BBOF1: variants seen among roughly 807,000 people sequenced by gnomAD.
The protein encoded by BBOF1 is basal body-orientation factor 1.
A neutral mutation model predicts 68.0 loss-of-function variants in BBOF1; 62 were observed. The ratio of observed to expected loss-of-function variants is 0.91; its 90% confidence interval spans 0.74 to 1.13. BBOF1 has a LOEUF of 1.13. Among genes scored for constraint, BBOF1 ranks in the 50% most tolerant of loss-of-function variants. The pLI is 0.00. For synonymous variants in BBOF1, 208 were observed against 198.8 expected, an observed-to-expected ratio of 1.05 and a Z score of -0.39; for missense variants, 534 against 600.1, an observed-to-expected ratio of 0.89 and a Z score of 1.15.
Position 74,050,136 on chromosome 14 carries a change from T to C in BBOF1, c.1227T>C (p.Phe409=), listed in dbSNP as rs139029854. Residue 409 remains phenylalanine (F), a synonymous_variant, in exon 8 of 12, where the codon TTT becomes TTC. Coordinates refer to ENST00000394009, the MANE Select transcript of BBOF1 (RefSeq NM_025057.3). ...GRTEYPKIRT[F]DGREHSTNSV... ...CAGAATATCCCAAAATCAGAACATT[T>C]GATGGCAGAGAGCACAGCACCAATA... 2.5e-6 allele frequency: 4 copies of C among 1,605,170 alleles called. No homozygotes were observed. Among genetic ancestry groups the C allele is most frequent in the Non-Finnish European group, 3.4e-6 (4 of 1,175,020 alleles).
At chr14:74,074,881 TA>T in intron 9 of BBOF1, 1 of 1,446,338 alleles carries the variant, frequency 6.9e-7, no homozygotes, top group Admixed American at 1.7e-5. Context: ...GACAATTATG[TA>T]AAGAAGATAG....
intron 6 of BBOF1, 110 bp from the exon 7 acceptor site, chr14:74,047,820 G>A: frequency 9.0e-6 from 8 of 889,304 alleles, no homozygotes; most frequent in South Asian, 2.0e-5. Context: ...CTAAATAGGT[G>A]GTAGTCACTA....
At chr14:74,066,610 T>A, downstream of BBOF1, 1 of 1,229,140 alleles carries the variant, frequency 8.1e-7, no homozygotes, top group South Asian at 1.2e-5. Context: ...AAGGTCTTAG[T>A]CATTAAGTAT....
intron 4 of BBOF1, among the ~76,000 whole-genome samples, chr14:74,036,540 C>T (rs1189081701): frequency 6.6e-6 from 1 of 151,906 alleles, no homozygotes; most frequent in Non-Finnish European, 1.5e-5. Flanking sequence ...AAAAATTAGT[C>T]GGGCATGGTG....
chr14:74,072,227 A>G, intron 9 of BBOF1: 1 of 1,614,236 alleles, frequency 6.2e-7, no homozygotes, highest in Non-Finnish European at 8.5e-7. Flanking sequence ...TAAGTTGTTG[A>G]TAGCGGAGCA....
chr14:74,066,532 G>T (rs2060468543), downstream of BBOF1, among the ~76,000 whole-genome samples: 1 of 152,102 alleles, frequency 6.6e-6, no homozygotes, highest in African/African-American at 2.4e-5. Flanking sequence ...AAAGAGTTTG[G>T]TTGGGAGTTA....
chr14:74,068,190 G>T (rs954353600), downstream of BBOF1, among the ~76,000 whole-genome samples: 6 of 151,260 alleles, frequency 4.0e-5, no homozygotes, highest in African/African-American at 1.5e-4. Flanking sequence ...TTCAAGACCA[G>T]CTTGGCCAAG....
At chr14:74,075,124 T>G in intron 9 of BBOF1, 1 of 988,814 alleles carries the variant, frequency 1.0e-6, no homozygotes, top group Non-Finnish European at 1.6e-6. Flanking sequence ...GGGGGTATGT[T>G]TCTCTCAAAG....
chr14:74,068,820 T>C (rs764769853), downstream of BBOF1: 4 of 1,610,852 alleles, frequency 2.5e-6, no homozygotes, highest in Non-Finnish European at 3.4e-6. Context: ...AATTTTCATA[T>C]ATAGAACAAA....
intron 4 of BBOF1, among the ~76,000 whole-genome samples, chr14:74,039,237 G>C (rs1024549459): frequency 1.1e-4 from 16 of 152,020 alleles, no homozygotes; most frequent in Non-Finnish European, 2.1e-4. Flanking sequence ...TATATATTGT[G>C]AACATTTTTC....
intron 3 of BBOF1, among the ~76,000 whole-genome samples, chr14:74,032,694 A>G (rs1270484811): frequency 2.0e-5 from 3 of 150,156 alleles, no homozygotes; most frequent in African/African-American, 7.4e-5. Context: ...GGGTTTCACA[A>G]TGTTGGCCAG....
intron 7 of BBOF1, among the ~76,000 whole-genome samples, chr14:74,049,237 G>A (rs1236269652): frequency 6.6e-6 from 1 of 152,000 alleles, no homozygotes; most frequent in African/African-American, 2.4e-5. Flanking sequence ...TTAGTAGATT[G>A]CCTTCCCAAG....
At chr14:74,033,475 AGGGAGAATTGCTTGAACCT>A (rs1348230793) in intron 3 of BBOF1, among the ~76,000 whole-genome samples, 1 of 152,126 alleles carries the variant, frequency 6.6e-6, no homozygotes, top group African/African-American at 2.4e-5. Flanking sequence ...AGGCTGAGGC[AGGGAGAATTGCTTGAACCT>A]GGGAGGCAGA....
intron 1 of BBOF1, among the ~76,000 whole-genome samples, chr14:74,020,241 GTA>G (rs1025570981): frequency 2.9e-5 from 3 of 102,824 alleles, no homozygotes; most frequent in African/African-American, 8.9e-5. Context: ...TTCTTTTATG[GTA>G]TTTTTTTTTT....
rs1465306418 is a variant in BBOF1 at position 74,040,598 on chromosome 14, C to T, written c.529C>T (p.His177Tyr). The T allele has an allele frequency of 2.5e-6, 4 of 1,595,134 alleles. No homozygotes were observed. Among genetic ancestry groups the T allele is most frequent in the Non-Finnish European group, 3.4e-6 (4 of 1,172,354 alleles). Residue 177 changes from histidine to tyrosine, a missense_variant, in exon 5 of 12, where the codon CAT becomes TAT. Physicochemically the swap from His to Tyr is moderately conservative, Grantham distance 83. Coordinates refer to ENST00000394009, the MANE Select transcript of BBOF1 (RefSeq NM_025057.3). ...GAATTTAAGAAACACAGAGCGGATA[C>T]ATCAGGAGACTCTTAGAAGACTGGA... is the stretch of plus-strand genomic sequence containing the variant. ...KENLRNTERIHQETLRRLESR... is the reference protein window; with the variant it reads ...KENLRNTERIYQETLRRLESR...
At chr14:74,048,244 G>A in intron 7 of BBOF1, 170 bp downstream of exon 7, 1 of 555,310 alleles carries the variant, frequency 1.8e-6, no homozygotes. Context: ...ATCTTATAAT[G>A]CTTATAAGAA....
intron 5 of BBOF1, among the ~76,000 whole-genome samples, chr14:74,044,814 A>G (rs2059913919): frequency 6.6e-6 from 1 of 152,076 alleles, no homozygotes; most frequent in Non-Finnish European, 1.5e-5. Context: ...AATCCCAGGT[A>G]CTCGAGAGGC....
intron 11 of BBOF1, chr14:74,057,494 G>A: frequency 2.1e-6 from 3 of 1,398,626 alleles, no homozygotes; most frequent in Non-Finnish European, 2.8e-6. Context: ...CCTATAGGTT[G>A]CCTTTTGAAG....
In BBOF1 at chr14:74,075,870, A is replaced by G. The variant is rs570024940; in HGVS notation, n.1380-2326A>G. 3.9e-5 allele frequency among the ~76,000 whole-genome samples: 6 copies of G among 152,346 alleles called. No homozygotes were observed. The South Asian group carries it at 6.2e-4, about 16-fold the overall frequency. On this transcript the variant is annotated intron_variant and non_coding_transcript_variant, in intron 9 of 12. Coordinates refer to the BBOF1 transcript ENST00000492026. ...GGGTGAATAAGGAAACTAATGTGGT[A>G]TATTCATACACTGGAATACTACTCA...
Sources: gnomAD v4.1 joint callset for allele counts (sites outside exome capture counted in the v4.1 genomes callset) on GRCh38, gnomAD v4.1.1 for gene constraint, MANE v1.5 for transcripts, NCBI Gene and HGNC (gene_info 2026-07-23, HGNC 2026-07-21) for gene names.